Variants in RELN observed in about 807,000 individuals in gnomAD.
RELN encodes the protein reelin.
In RELN, 108 loss-of-function variants were observed where a neutral mutation model predicts 427.6. That is an observed-to-expected ratio of 0.25 (90% CI 0.22 to 0.30). The LOEUF (loss-of-function observed/expected upper bound fraction) is 0.30. Ranked by LOEUF, RELN falls within the 10% of genes least tolerant of loss-of-function variation. The pLI, the probability that RELN is intolerant of heterozygous loss-of-function variation, is 1.00. For synonymous variants in RELN, 1,524 were observed against 1,513.4 expected, an observed-to-expected ratio of 1.01 and a Z score of -0.16; for missense variants, 3,715 against 4,302.8, an observed-to-expected ratio of 0.86 and a Z score of 3.82.
intron 41 of RELN, among the ~76,000 whole-genome samples, chr7:103,545,932 G>A (rs1018739795): frequency 2.0e-5 from 3 of 152,040 alleles, no homozygotes; most frequent in Non-Finnish European, 4.4e-5. Context: ...CACCGCACCC[G>A]GCCCCTTCTG....
At chr7:103,646,690 A>C (rs1451261084) in intron 16 of RELN, among the ~76,000 whole-genome samples, 1 of 152,054 alleles carries the variant, frequency 6.6e-6, no homozygotes, top group Non-Finnish European at 1.5e-5. Context: ...ATTCTGCAAG[A>C]TGCACAAAGA....
intron 11 of RELN, among the ~76,000 whole-genome samples, chr7:103,676,360 G>A (rs563309505): frequency 6.1e-4 from 93 of 152,270 alleles, no homozygotes; most frequent in African/African-American, 2.2e-3. Flanking sequence ...ACACCAGTTA[G>A]AATGGCAATC....
chr7:103,865,661 C>G (rs1455533191), intron 2 of RELN, among the ~76,000 whole-genome samples: 2 of 152,092 alleles, frequency 1.3e-5, no homozygotes, highest in East Asian at 3.9e-4. Flanking sequence ...ACGTGATCAT[C>G]ACGATAGATG....
At chr7:103,917,347 A>G (rs562395141) in intron 1 of RELN, among the ~76,000 whole-genome samples, 162 bp from the exon 2 acceptor site, 24 of 152,186 alleles carry the variant, frequency 1.6e-4, no homozygotes, top group Non-Finnish European at 2.8e-4. Flanking sequence ...AGAGGAGAAT[A>G]AAGAAGCTCG....
chr7:103,904,085 T>C (rs1795141579), intron 2 of RELN, among the ~76,000 whole-genome samples: 1 of 152,162 alleles, frequency 6.6e-6, no homozygotes, highest in Admixed American at 6.5e-5. Flanking sequence ...AACTCCCACT[T>C]ATAAGTGAGA....
chr7:103,929,521 T>C (rs1795815623), intron 1 of RELN, among the ~76,000 whole-genome samples: 1 of 152,228 alleles, frequency 6.6e-6, no homozygotes. Flanking sequence ...GTTCATCAAC[T>C]GATCATACAT....
chr7:103,575,675 G>T lies in RELN; in HGVS notation c.4176C>A (p.Ser1392Arg), dbSNP rs765007573. ...SKTRFRWIQE[S>R]SSQKNVPPFG... ...ATGGAGGCACGTTTTTCTGTGAGCT[G>T]CTCTCCTGGATCCATCGGAATCTGG... Residue 1392 changes from serine (S) to arginine (R), a missense_variant, in exon 29 of 65, where the codon AGC becomes AGA. Transcript: ENST00000428762. 56 of 1,614,016 alleles carry T rather than the reference G, an allele frequency of 3.5e-5. No homozygotes were observed. The highest frequency in any genetic ancestry group is 4.7e-5 in the Non-Finnish European group (56 of 1,180,026).
rs571734507 is a variant in RELN, at chr7:103,484,120, TCCAC to T, written c.9984-274_9984-271del. ...GTCTCGAACTCCTGACCTCAGGTGA[TCCAC>T]CCACCTCGGCCTCCCAAAGTGCTGG... On this transcript the variant is annotated intron_variant, in intron 61 of 64. Transcript: ENST00000428762. 682 of 434,654 alleles carry T rather than the reference TCCAC, an allele frequency of 1.6e-3. 7 individuals carry two copies. Among genetic ancestry groups the T allele is most frequent in the South Asian group, 0.015 (659 of 43,618 alleles). The allele number at this position is 434,654 out of a possible 1,614,324, so 26.9% of individuals were successfully genotyped here. A position where few individuals can be genotyped will look rare whatever the true frequency, so the allele number is the denominator to read the frequency against.
At chr7:103,978,150 T>G (rs1335443400) in intron 1 of RELN, among the ~76,000 whole-genome samples, 2 of 152,216 alleles carry the variant, frequency 1.3e-5, no homozygotes, top group African/African-American at 4.8e-5. Flanking sequence ...CTAGTCACCA[T>G]GTTGTACAAT....
chr7:103,889,955 T>C (rs1379129595), intron 2 of RELN, among the ~76,000 whole-genome samples: 1 of 152,192 alleles, frequency 6.6e-6, no homozygotes, highest in East Asian at 1.9e-4. Flanking sequence ...TGTGGAGTTC[T>C]CTGAACTCTG....
chr7:103,524,908 C>T (rs905149410), intron 46 of RELN, among the ~76,000 whole-genome samples: 1 of 152,118 alleles, frequency 6.6e-6, no homozygotes, highest in Non-Finnish European at 1.5e-5. Context: ...ACTCCTGTCA[C>T]TTTCTACTGC....
rs1005536121 is a variant in RELN, at chr7:103,614,265, T to C, written c.2703-2462A>G. ...GTTATTTGGTGTCTCCCATTTCCTA[T>C]TGCAAATGCTTTGGTGTGGACTGAT... On this transcript the variant is annotated intron_variant, in intron 20 of 64. Transcript: ENST00000428762. 3.3e-5 allele frequency among the ~76,000 whole-genome samples: 5 copies of C among 152,334 alleles called. No individual in the cohort carries two copies. In the East Asian group the frequency reaches 5.8e-4, roughly 18 times the overall value.
intron 2 of RELN, among the ~76,000 whole-genome samples, chr7:103,848,686 G>A (rs577248964): frequency 5.1e-4 from 78 of 152,112 alleles, no homozygotes; most frequent in Non-Finnish European, 8.5e-4. Context: ...GGAACTATGG[G>A]AATTGTATTT....
At chr7:103,807,054 TA>T (rs1209982040) in intron 3 of RELN, among the ~76,000 whole-genome samples, 1 of 152,190 alleles carries the variant, frequency 6.6e-6, no homozygotes, top group African/African-American at 2.4e-5. Context: ...AGGAAGATCC[TA>T]ATCTGAATGG....
chr7:103,806,462 T>C (rs1792602536), intron 3 of RELN, among the ~76,000 whole-genome samples: 1 of 152,022 alleles, frequency 6.6e-6, no homozygotes, highest in Non-Finnish European at 1.5e-5. Context: ...GTAGCTGGGA[T>C]TACAGGCACC....
rs1445450107 is a variant in RELN, at chr7:103,696,975, A to G, written c.1143+878T>C. Among the ~76,000 whole-genome samples, 3 of 152,156 alleles carry G rather than the reference A, an allele frequency of 2.0e-5. No individual in the cohort carries two copies. The East Asian group carries it at 5.8e-4, about 29-fold the overall frequency. On this transcript the variant is annotated intron_variant, in intron 10 of 64. Transcript: ENST00000428762. ...CAAGTCTCAACTTAAAATGTGTTAG[A>G]CAACTATTCTGAATTTTTCCCAAGA...
At chr7:103,912,539 A>G (rs1478849068) in intron 2 of RELN, among the ~76,000 whole-genome samples, 1 of 152,116 alleles carries the variant, frequency 6.6e-6, no homozygotes, top group Non-Finnish European at 1.5e-5. Flanking sequence ...TTATTACAGA[A>G]CAAAGAAATG....
chr7:103,780,341 G>C (rs541273248), intron 3 of RELN, among the ~76,000 whole-genome samples: 5 of 152,270 alleles, frequency 3.3e-5, no homozygotes, highest in African/African-American at 1.2e-4. Context: ...CATAGTATTT[G>C]TCCAATTTTA....
chr7:103,818,647 T>G (rs1466141531), intron 3 of RELN, among the ~76,000 whole-genome samples: 1 of 152,180 alleles, frequency 6.6e-6, no homozygotes, highest in Non-Finnish European at 1.5e-5. Context: ...ACAAGGTTGT[T>G]CTTCACAAAG....
Sources: gnomAD v4.1 joint callset for allele counts (sites outside exome capture counted in the v4.1 genomes callset) on GRCh38, gnomAD v4.1.1 for gene constraint, MANE v1.5 for transcripts, NCBI Gene and HGNC (gene_info 2026-07-23, HGNC 2026-07-21) for gene names.